The following NRG3 variants were observed in gnomAD, a reference collection of about 807,000 sequenced individuals.
The protein encoded by NRG3 is neuregulin 3.
Under a neutral mutation model 66.9 loss-of-function variants are expected in NRG3, and 31 were observed. That is an observed-to-expected ratio of 0.46 (90% CI 0.35 to 0.63). The LOEUF is 0.63. Ranked by LOEUF, NRG3 falls within the 20% of genes least tolerant of loss-of-function variation. NRG3 has a pLI of 0.00. For synonymous variants in NRG3, 393 were observed against 359.4 expected (o/e 1.09, Z -1.06); for missense variants, 910 against 878.9 (o/e 1.04, Z -0.45).
rs190331352 is a variant in NRG3 at position 82,848,207 on chromosome 10, A to G, written c.1028-17204A>G. On this transcript the variant is annotated intron_variant, in intron 3 of 8. Coordinates refer to ENST00000372141, the MANE Select transcript of NRG3 (RefSeq NM_001010848.4). ...ATACAATGAATAAAACAACACAAAC[A>G]CGTCCTTGTGGCTTAAATTTTGTCT... Among the ~76,000 whole-genome samples, 669 of 152,334 alleles carry G rather than the reference A, an allele frequency of 4.4e-3. 3 individuals carry two copies. Among genetic ancestry groups the G allele is most frequent in the Middle Eastern group, 0.017 (5 of 294 alleles).
intron 2 of NRG3, among the ~76,000 whole-genome samples, chr10:82,433,447 T>C (rs1367446730): frequency 6.6e-6 from 1 of 152,246 alleles, no homozygotes. Context: ...TTTCTTTTGC[T>C]GTGCAGAAGC....
intron 1 of NRG3, among the ~76,000 whole-genome samples, chr10:82,216,033 T>A (rs1019505861): frequency 7.0e-6 from 1 of 141,888 alleles, no homozygotes; most frequent in African/African-American, 2.6e-5. Flanking sequence ...AATGGCGCGA[T>A]CTCGGCTCAC....
chr10:82,642,017 C>A (rs564528082), intron 2 of NRG3, among the ~76,000 whole-genome samples: 2 of 152,058 alleles, frequency 1.3e-5, no homozygotes, highest in African/African-American at 4.8e-5. Flanking sequence ...TATTATTCCA[C>A]ATGTGAGCAT....
intron 1 of NRG3, among the ~76,000 whole-genome samples, chr10:82,247,758 TA>T (rs1367501600): frequency 6.6e-6 from 1 of 152,210 alleles, no homozygotes; most frequent in Non-Finnish European, 1.5e-5. Flanking sequence ...CTAGGGTACT[TA>T]CCACTTGGAT....
At chr10:81,910,322 G>A (rs556121379) in intron 1 of NRG3, among the ~76,000 whole-genome samples, 1 of 152,252 alleles carries the variant, frequency 6.6e-6, no homozygotes, top group South Asian at 2.1e-4. Flanking sequence ...TTTGCAAGAA[G>A]GTAGCAAACC....
intron 1 of NRG3, among the ~76,000 whole-genome samples, chr10:81,924,186 G>A (rs1399454427): frequency 1.3e-5 from 2 of 152,164 alleles, no homozygotes; most frequent in African/African-American, 2.4e-5. Context: ...CACAGAACAC[G>A]TACACAGCTC....
intron 3 of NRG3, among the ~76,000 whole-genome samples, chr10:82,742,979 A>G (rs574641): frequency 0.78 from 118,619 of 151,876 alleles, 46,507 homozygotes; most frequent in Non-Finnish European, 0.79. Flanking sequence ...CAATGGAAGC[A>G]TGGGGGATGC....
At chr10:82,087,143 A>C (rs1338583776) in intron 1 of NRG3, among the ~76,000 whole-genome samples, 1 of 152,188 alleles carries the variant, frequency 6.6e-6, no homozygotes, top group Non-Finnish European at 1.5e-5. Context: ...GATAGACTTA[A>C]TCTTTAAGGC....
At chr10:82,984,383 G>A (rs1853236244) in intron 8 of NRG3, among the ~76,000 whole-genome samples, 1 of 152,188 alleles carries the variant, frequency 6.6e-6, no homozygotes, top group African/African-American at 2.4e-5. Flanking sequence ...TGGTTACTTG[G>A]TTGTAAGGAA....
At chr10:82,890,301 G>T (rs531957293) in intron 4 of NRG3, among the ~76,000 whole-genome samples, 1 of 151,968 alleles carries the variant, frequency 6.6e-6, no homozygotes, top group African/African-American at 2.4e-5. Context: ...GGAAAAGAAC[G>T]GTGCTGATTT....
At chr10:81,982,232 C>T (rs1246865107) in intron 1 of NRG3, among the ~76,000 whole-genome samples, 1 of 152,172 alleles carries the variant, frequency 6.6e-6, no homozygotes, top group East Asian at 1.9e-4. Flanking sequence ...CACTGGGACA[C>T]AGTTCAGCTA....
chr10:82,549,658 C>G (rs933499483), intron 2 of NRG3, among the ~76,000 whole-genome samples: 2 of 152,118 alleles, frequency 1.3e-5, no homozygotes, highest in Non-Finnish European at 2.9e-5. Flanking sequence ...AGAAATTACA[C>G]AAACAAATTC....
chr10:81,994,100 C>A (rs1292464824), intron 1 of NRG3, among the ~76,000 whole-genome samples: 1 of 152,090 alleles, frequency 6.6e-6, no homozygotes, highest in African/African-American at 2.4e-5. Context: ...TCTGTAATGA[C>A]AAATTACACT....
At chr10:82,251,394 T>C (rs559382621) in intron 1 of NRG3, among the ~76,000 whole-genome samples, 1 of 152,312 alleles carries the variant, frequency 6.6e-6, no homozygotes, top group African/African-American at 2.4e-5. Context: ...GACAGGAAGC[T>C]CCTCATCTAC....
chr10:81,926,057 A>T (rs1027037871), intron 1 of NRG3, among the ~76,000 whole-genome samples: 1 of 152,124 alleles, frequency 6.6e-6, no homozygotes, highest in Non-Finnish European at 1.5e-5. Flanking sequence ...ATTTTCCTCT[A>T]TCTTATGAAT....
At chr10:82,913,021 C>T (rs1028125283) in intron 4 of NRG3, among the ~76,000 whole-genome samples, 4 of 152,074 alleles carry the variant, frequency 2.6e-5, no homozygotes, top group African/African-American at 2.4e-5. Context: ...GTCAGGAGAT[C>T]GAGACCATCC....
intron 3 of NRG3, among the ~76,000 whole-genome samples, chr10:82,827,538 A>G (rs1441517148): frequency 6.6e-6 from 1 of 152,206 alleles, no homozygotes; most frequent in Admixed American, 6.5e-5. Flanking sequence ...GAAATGAAAG[A>G]AAAAACCCTT....
At chr10:82,258,363 T>G (rs2077846340) in intron 1 of NRG3, among the ~76,000 whole-genome samples, 1 of 152,154 alleles carries the variant, frequency 6.6e-6, no homozygotes. Flanking sequence ...CTTATTAGAG[T>G]CCATTATTCT....
At chr10:82,439,016 A>G (rs2090298697) in intron 2 of NRG3, among the ~76,000 whole-genome samples, 1 of 151,726 alleles carries the variant, frequency 6.6e-6, no homozygotes, top group African/African-American at 2.4e-5. Flanking sequence ...CTTTCTGTAC[A>G]TTAACTTCTA....
Sources: gnomAD v4.1 joint callset for allele counts (sites outside exome capture counted in the v4.1 genomes callset) on GRCh38, gnomAD v4.1.1 for gene constraint, MANE v1.5 for transcripts, NCBI Gene and HGNC (gene_info 2026-07-23, HGNC 2026-07-21) for gene names.